Variants in TDP1 observed in about 807,000 individuals in gnomAD.
The protein encoded by TDP1 is tyrosyl-DNA phosphodiesterase 1.
Under a neutral mutation model 81.5 loss-of-function variants are expected in TDP1, and 64 were observed. The ratio of observed to expected loss-of-function variants is 0.79; its 90% CI spans 0.64 to 0.97. TDP1 has a LOEUF of 0.97. TDP1 is among the 50% of genes least tolerant of loss of function. The probability of loss-of-function intolerance (pLI) is 0.00; values close to 1 mark genes in which losing one functional copy is unlikely to be tolerated. For missense variants in TDP1, 723 were observed against 743.8 expected, an observed-to-expected ratio of 0.97 and a Z score of 0.33; for synonymous variants, 256 against 264.3, an observed-to-expected ratio of 0.97 and a Z score of 0.30.
At chr14:90,017,639 G>C (rs1885470491) in intron 14 of TDP1, among the ~76,000 whole-genome samples, 1 of 152,156 alleles carries the variant, frequency 6.6e-6, no homozygotes, top group African/African-American at 2.4e-5. Flanking sequence ...TCATGATACT[G>C]ATAGTCAAGA....
chr14:90,042,791 C>G (rs1888489359), intron 16 of TDP1: 1 of 837,434 alleles, frequency 1.2e-6, no homozygotes, highest in South Asian at 5.5e-5. Flanking sequence ...CCAAGTCCCT[C>G]CCACGATATG....
At chr14:90,033,982 G>A (rs1465449670) in intron 16 of TDP1, among the ~76,000 whole-genome samples, 3 of 152,034 alleles carry the variant, frequency 2.0e-5, no homozygotes, top group African/African-American at 7.3e-5. Context: ...TAGAAGAATC[G>A]CTTGAGCCCA....
At chr14:90,030,868 C>G (rs1242709697) in intron 15 of TDP1, among the ~76,000 whole-genome samples, 1 of 151,880 alleles carries the variant, frequency 6.6e-6, no homozygotes, top group East Asian at 1.9e-4. Flanking sequence ...TGGGTTCAAG[C>G]TATTCTCCTG....
intron 14 of TDP1, among the ~76,000 whole-genome samples, chr14:90,000,468 T>G (rs551888131): frequency 6.6e-6 from 1 of 152,278 alleles, no homozygotes; most frequent in East Asian, 1.9e-4. Flanking sequence ...CACTGCAACC[T>G]CTGCCTCCTG....
chr14:90,039,548 C>T (rs1014168646), intron 16 of TDP1, among the ~76,000 whole-genome samples: 6 of 151,872 alleles, frequency 4.0e-5, no homozygotes, highest in African/African-American at 1.2e-4. Context: ...TGTGGGTGTT[C>T]GGGCATGGGG....
At chr14:90,036,904 G>A (rs1887879031) in intron 16 of TDP1, among the ~76,000 whole-genome samples, 1 of 150,710 alleles carries the variant, frequency 6.6e-6, no homozygotes, top group African/African-American at 2.5e-5. Flanking sequence ...CAAACTCCTG[G>A]GCTCAAGTGA....
Position 89,963,202 on chromosome 14 carries a change from A to G in TDP1, c.88A>G (p.Thr30Ala), listed in dbSNP as rs750308428. ...EEKPKPDKPS[T>A]SSLLCARQGA... ...AAAGCCAAAACCAGACAAGCCATCT[A>G]CCTCTTCTCTTCTCTGTGCCAGGCA... The change falls in exon 3 of 17, where the codon ACC becomes GCC. Residue 30 changes from threonine to alanine, a missense_variant. Coordinates refer to ENST00000335725, the MANE Select transcript of TDP1 (RefSeq NM_018319.4). The G allele has an allele frequency of 1.2e-6, 2 of 1,614,066 alleles. No individual in the cohort carries two copies. The highest frequency in any genetic ancestry group is 2.2e-5 in the South Asian group (2 of 91,076).
At chr14:90,022,151 G>A (rs1055635405) in intron 15 of TDP1, among the ~76,000 whole-genome samples, 4 of 152,218 alleles carry the variant, frequency 2.6e-5, no homozygotes, top group African/African-American at 9.6e-5. Flanking sequence ...ATACACCTAA[G>A]CAATGAGACA....
At position 89,992,149 on chromosome 14, in the gene TDP1, T is replaced by C. The variant is rs145467429; in HGVS notation, c.1433+166T>C. Among the ~76,000 whole-genome samples the C allele has an allele frequency of 0.012, 1,879 of 152,362 alleles. 14 individuals carry two copies. The highest frequency in any genetic ancestry group is 0.023 in the South Asian group (113 of 4,832). ...TAATTTAAAACAAGGTTTTGAATTT[T>C]TTTTGGAATAGGTTTTTAATACCAA... On this transcript the variant is annotated intron_variant, in intron 13 of 16. Transcript: ENST00000335725.
chr14:89,994,990 C>T lies in TDP1; in HGVS notation c.1541+1507C>T, dbSNP rs185125243. On this transcript the variant is annotated intron_variant, in intron 14 of 16. Coordinates refer to ENST00000335725, the MANE Select transcript of TDP1 (RefSeq NM_018319.4). ...AGTTAAGTCAAAAAACATCCACTGT[C>T]AGTTTACTCATTTAATATTTGTCAG... Among the ~76,000 whole-genome samples, 31 of 152,314 alleles carry T rather than the reference C, an allele frequency of 2.0e-4. 1 individual carries two copies. The highest frequency in any genetic ancestry group is 9.8e-4 in the Admixed American group (15 of 15,302).
At chr14:89,959,827 A>G (rs1892119362) in intron 2 of TDP1, among the ~76,000 whole-genome samples, 1 of 152,226 alleles carries the variant, frequency 6.6e-6, no homozygotes, top group South Asian at 2.1e-4. Flanking sequence ...AACTCTTAGT[A>G]CATAATAATG....
At chr14:89,983,141 C>T (rs968059948) in intron 8 of TDP1, 7 of 455,882 alleles carry the variant, frequency 1.5e-5, no homozygotes, top group African/African-American at 1.4e-4. Context: ...ATCTCTGATC[C>T]AGGAGGAGCC....
chr14:89,997,639 C>T (rs972858202), intron 14 of TDP1, among the ~76,000 whole-genome samples: 14 of 152,230 alleles, frequency 9.2e-5, no homozygotes, highest in South Asian at 2.1e-4. Context: ...AGCGGATCAA[C>T]GCCTGGGCAT....
At chr14:90,020,177 A>G (rs1885805282) in intron 15 of TDP1, among the ~76,000 whole-genome samples, 1 of 152,154 alleles carries the variant, frequency 6.6e-6, no homozygotes, top group African/African-American at 2.4e-5. Context: ...TGTACAAGCC[A>G]TCTGTTTCTC....
intron 14 of TDP1, among the ~76,000 whole-genome samples, chr14:89,994,823 C>T (rs561814087): frequency 2.6e-5 from 4 of 152,262 alleles, no homozygotes; most frequent in East Asian, 3.9e-4. Context: ...AGAGAAAACC[C>T]AGACGGATTA....
At chr14:89,955,489 T>C (rs1891463850), upstream of TDP1, 1 of 152,256 alleles carries the variant, frequency 6.6e-6, no homozygotes. Flanking sequence ...ACATTCGAGG[T>C]TCTGAGTCCA....
intron 2 of TDP1, among the ~76,000 whole-genome samples, chr14:89,961,721 T>C (rs908919257): frequency 6.6e-6 from 1 of 152,228 alleles, no homozygotes; most frequent in Non-Finnish European, 1.5e-5. Context: ...AGTTCTCATC[T>C]AGAGACATAT....
chr14:89,967,562 T>A, intron 5 of TDP1, 140 bp downstream of exon 5: 1 of 763,712 alleles, frequency 1.3e-6, no homozygotes, highest in Non-Finnish European at 2.4e-6. Context: ...CATTAAGTTA[T>A]ATCCGGAAAA....
intron 14 of TDP1, among the ~76,000 whole-genome samples, chr14:90,005,523 A>G (rs1470770531): frequency 1.3e-5 from 2 of 152,202 alleles, no homozygotes; most frequent in African/African-American, 4.8e-5. Flanking sequence ...TGTGAGGTGC[A>G]TTAAAATTTA....
Sources: gnomAD v4.1 joint callset for allele counts (sites outside exome capture counted in the v4.1 genomes callset) on GRCh38, gnomAD v4.1.1 for gene constraint, MANE v1.5 for transcripts, NCBI Gene and HGNC (gene_info 2026-07-23, HGNC 2026-07-21) for gene names.